Variants in KNSTRN observed in about 807,000 individuals in gnomAD.
KNSTRN encodes the protein small kinetochore-associated protein.
Under a neutral mutation model 44.7 loss-of-function variants are expected in KNSTRN, and 38 were observed. The ratio of observed to expected loss-of-function variants is 0.85; its 90% CI spans 0.66 to 1.11. The LOEUF (loss-of-function observed/expected upper bound fraction) is 1.11. Ranked by LOEUF, KNSTRN falls within the 50% of genes most tolerant of loss-of-function variation. KNSTRN has a pLI of 0.00. For synonymous variants in KNSTRN, 158 were observed against 148.1 expected, an observed-to-expected ratio of 1.07 and a Z score of -0.48; for missense variants, 406 against 375.8, an observed-to-expected ratio of 1.08 and a Z score of -0.66.
At chr15:40,392,762 G>A (rs965627643) in intron 8 of KNSTRN, among the ~76,000 whole-genome samples, 5 of 152,126 alleles carry the variant, frequency 3.3e-5, no homozygotes, top group African/African-American at 9.6e-5. Flanking sequence ...AGGCATTTGC[G>A]ACCATGACCG....
intron 2 of KNSTRN, among the ~76,000 whole-genome samples, chr15:40,386,145 T>C (rs1210767758): frequency 6.6e-6 from 1 of 152,174 alleles, no homozygotes; most frequent in African/African-American, 2.4e-5. Context: ...GAGAATCGTT[T>C]GAACCCAAGA....
rs8043180 is a variant in KNSTRN at position 40,386,142 on chromosome 15, G to A, written c.305-220G>A. Among the ~76,000 whole-genome samples, 537 of 152,222 alleles carry A rather than the reference G, an allele frequency of 3.5e-3. 22 individuals carry two copies. The East Asian group carries it at 0.096, about 27-fold the overall frequency. ...CTCGGGAGGCTGAGGCAGGAGAATC[G>A]TTTGAACCCAAGAGGTGGAGGTTGC... On this transcript the variant is annotated intron_variant, in intron 2 of 8. Transcript: ENST00000249776.
intron 8 of KNSTRN, among the ~76,000 whole-genome samples, chr15:40,392,769 A>G (rs1890022250): frequency 6.6e-6 from 1 of 152,018 alleles, no homozygotes. Flanking sequence ...TGCGACCATG[A>G]CCGGCTAATT....
rs1889839777 is a variant in KNSTRN at position 40,383,047 on chromosome 15, T to C, written c.209+3T>C. On this transcript the variant is annotated splice_donor_region_variant and intron_variant, in intron 1 of 8. Coordinates refer to ENST00000249776, the MANE Select transcript of KNSTRN (RefSeq NM_033286.4). Reference sequence around the variant, plus strand: ...GGGCAGGACCGGCGGGCTCCTGGGTTCGGCTCTCCCGGGGCGAGGGACTGG... The same window carrying C: ...GGGCAGGACCGGCGGGCTCCTGGGTCCGGCTCTCCCGGGGCGAGGGACTGG... The C allele has an allele frequency of 1.9e-6, 3 of 1,609,856 alleles. No individual in the cohort carries two copies. The highest frequency in any genetic ancestry group is 1.7e-6 in the Non-Finnish European group (2 of 1,179,958).
intron 7 of KNSTRN, 72 bp downstream of exon 7, chr15:40,391,626 G>A (rs1889999536): frequency 1.6e-6 from 2 of 1,254,260 alleles, no homozygotes; most frequent in Non-Finnish European, 2.3e-6. Context: ...GAAGGTCTCT[G>A]CTATATATTC....
chr15:40,385,506 A>G (rs1247296317), intron 2 of KNSTRN, among the ~76,000 whole-genome samples: 2 of 152,222 alleles, frequency 1.3e-5, no homozygotes, highest in African/African-American at 2.4e-5. Context: ...GGTCTGTGAA[A>G]CAACCCATGG....
In KNSTRN at chr15:40,382,912, C is replaced by T; in HGVS notation, c.77C>T (p.Pro26Leu). ...TWLSTECDSH[P>L]LPPSYRKFLF... ...CTGTCTACAGAGTGCGATTCCCACC[C>T]ACTTCCGCCTAGCTACCGGAAGTTT... Residue 26 changes from proline (P) to leucine (L), a missense_variant, in exon 1 of 9, where the codon CCA becomes CTA. Coordinates refer to ENST00000249776, the MANE Select transcript of KNSTRN (RefSeq NM_033286.4). The T allele has an allele frequency of 6.2e-7, 1 of 1,612,332 alleles. No individual in the cohort carries two copies. The highest frequency in any genetic ancestry group is 8.5e-7 in the Non-Finnish European group (1 of 1,180,038).
intron 4 of KNSTRN, 27 bp downstream of exon 4, chr15:40,387,233 C>A: frequency 6.3e-7 from 1 of 1,575,170 alleles, no homozygotes; most frequent in Non-Finnish European, 8.7e-7. Flanking sequence ...ATCAACTTGG[C>A]CACTATTCTA....
chr15:40,392,099 A>G (rs1890008868), intron 8 of KNSTRN, 76 bp downstream of exon 8: 2 of 873,168 alleles, frequency 2.3e-6, no homozygotes, highest in South Asian at 4.3e-5. Flanking sequence ...CTGTTTTTCT[A>G]TTTATTTTTA....
At chr15:40,393,381 C>A in intron 8 of KNSTRN, 88 bp from the exon 9 acceptor site, 2 of 1,590,754 alleles carry the variant, frequency 1.3e-6, no homozygotes. Context: ...GGAATAGGAG[C>A]ATAATGTTCT....
chr15:40,383,349 A>C, intron 2 of KNSTRN, 27 bp downstream of exon 2: 1 of 1,570,802 alleles, frequency 6.4e-7, no homozygotes, highest in Non-Finnish European at 8.7e-7. Context: ...CGCCCGGGGC[A>C]CTGCGGCCTG....
chr15:40,383,888 G>C (rs1256010007), intron 2 of KNSTRN, among the ~76,000 whole-genome samples: 1 of 152,220 alleles, frequency 6.6e-6, no homozygotes, highest in Non-Finnish European at 1.5e-5. Flanking sequence ...TTTGCCATCT[G>C]CTTTGTGTTG....
At chr15:40,385,748 G>GT (rs1259684371) in intron 2 of KNSTRN, among the ~76,000 whole-genome samples, 1 of 152,214 alleles carries the variant, frequency 6.6e-6, no homozygotes, top group African/African-American at 2.4e-5. Flanking sequence ...ATTCAGGCAT[G>GT]TTTTACCTGC....
intron 3 of KNSTRN, among the ~76,000 whole-genome samples, 158 bp from the exon 4 acceptor site, chr15:40,387,001 G>A (rs541000832): frequency 6.6e-6 from 1 of 152,372 alleles, no homozygotes; most frequent in Non-Finnish European, 1.5e-5. Context: ...CTGTGCCGAA[G>A]CAGTAATGCA....
intron 2 of KNSTRN, 117 bp downstream of exon 2, chr15:40,383,439 C>G (rs186609549): frequency 3.4e-5 from 24 of 714,406 alleles, no homozygotes; most frequent in Middle Eastern, 7.1e-4. Flanking sequence ...CCCTGAAAAC[C>G]TGTGAGCCCC....
Position 40,382,795 on chromosome 15 carries a change from C to T in KNSTRN, c.-41C>T. On this transcript the variant is annotated 5_prime_UTR_variant, in exon 1 of 9. Transcript: ENST00000249776. ...GACCTGGGGGCTCCAACACCTTTCGCTAGGTCTGGCTCTGGCCTCTGAGCG... is the reference window on the plus strand; with the variant it reads ...GACCTGGGGGCTCCAACACCTTTCGTTAGGTCTGGCTCTGGCCTCTGAGCG... 1 of 1,573,912 alleles carries T rather than the reference C, an allele frequency of 6.4e-7. No individual in the cohort carries two copies. Among genetic ancestry groups the T allele is most frequent in the Non-Finnish European group, 8.6e-7 (1 of 1,156,258 alleles).
intron 5 of KNSTRN, 62 bp downstream of exon 5, chr15:40,389,673 TG>T: frequency 7.3e-7 from 1 of 1,362,426 alleles, no homozygotes; most frequent in Non-Finnish European, 1.0e-6. Context: ...GGAATCCTGA[TG>T]GGTGGCCCCT....
chr15:40,389,409 C>A (rs530130275), intron 4 of KNSTRN, 97 bp from the exon 5 acceptor site: 2 of 852,800 alleles, frequency 2.3e-6, no homozygotes, highest in Admixed American at 4.3e-5. Context: ...CCTCAGCCTC[C>A]CAAAGTGCTG....
intron 4 of KNSTRN, chr15:40,389,298 G>A (rs986821633): frequency 7.4e-5 from 38 of 513,642 alleles, no homozygotes; most frequent in African/African-American, 2.1e-4. Flanking sequence ...ACAGGCATGC[G>A]CCACCACGCC....
Sources: gnomAD v4.1 joint callset for allele counts (sites outside exome capture counted in the v4.1 genomes callset) on GRCh38, gnomAD v4.1.1 for gene constraint, MANE v1.5 for transcripts, NCBI Gene and HGNC (gene_info 2026-07-23, HGNC 2026-07-21) for gene names.